Variants in EZH1 observed in about 807,000 individuals in gnomAD.
EZH1 encodes histone-lysine N-methyltransferase EZH1.
A neutral mutation model predicts 100.5 loss-of-function variants in EZH1; 33 were observed. That is an observed-to-expected ratio of 0.33 (90% confidence interval 0.25 to 0.44). The LOEUF (loss-of-function observed/expected upper bound fraction) is 0.44, where lower values mean the gene tolerates loss of function less well. Among genes scored for constraint, EZH1 ranks in the 20% least tolerant of loss-of-function variants. The pLI is 1.00. For missense variants in EZH1, 475 were observed against 928.4 expected (o/e 0.51, Z 6.35); for synonymous variants, 272 against 313.8 (o/e 0.87, Z 1.41).
In EZH1 at chr17:42,713,357, G is replaced by A. The variant is rs759631016; in HGVS notation, c.1056C>T (p.Asn352=). Residue 352 remains asparagine, a synonymous_variant, in exon 11 of 21, where the codon AAC becomes AAT. Transcript: ENST00000428826. ...GACGACCAGAGCACTTGGAGCGGGGGTTGTGGAGCATGGCATACTCCTTTG... is the reference window on the plus strand; with the variant it reads ...GACGACCAGAGCACTTGGAGCGGGGATTGTGGAGCATGGCATACTCCTTTG... The part of the protein sequence containing the change: ...EGAKEYAMLH[N]PRSKCSGRRR... The A allele has an allele frequency of 1.2e-6, 2 of 1,610,116 alleles. No homozygotes were observed. The highest frequency in any genetic ancestry group is 8.5e-7 in the Non-Finnish European group (1 of 1,176,608).
At position 42,724,291 on chromosome 17, in the gene EZH1, C is replaced by T; in HGVS notation, c.366+14G>A. The T allele has an allele frequency of 3.1e-6, 5 of 1,613,250 alleles. No individual in the cohort carries two copies. The highest frequency in any genetic ancestry group is 4.2e-6 in the Non-Finnish European group (5 of 1,179,452). On this transcript the variant is annotated intron_variant, in intron 5 of 20. Coordinates refer to ENST00000428826, the MANE Select transcript of EZH1 (RefSeq NM_001991.5). ...TACAGTTTAAATAACCACCACAGTGCTTTCAATACATACCATAAAGTTCTG... is the reference window on the plus strand; with the variant it reads ...TACAGTTTAAATAACCACCACAGTGTTTTCAATACATACCATAAAGTTCTG...
chr17:42,702,685 T>A, intron 20 of EZH1, 93 bp from the exon 21 acceptor site: 4 of 1,355,118 alleles, frequency 3.0e-6, no homozygotes, highest in Non-Finnish European at 3.1e-6. Flanking sequence ...CCCCTCCCAC[T>A]CCTTAAGGGC....
chr17:42,737,637 CTTT>C (rs988761087), intron 1 of EZH1, among the ~76,000 whole-genome samples: 1 of 151,872 alleles, frequency 6.6e-6, no homozygotes, highest in South Asian at 2.1e-4. Flanking sequence ...ACTATTCTTT[CTTT>C]TTTTTCTTTC....
chr17:42,737,228 C>T (rs2054082655), intron 1 of EZH1, among the ~76,000 whole-genome samples: 1 of 152,170 alleles, frequency 6.6e-6, no homozygotes, highest in South Asian at 2.1e-4. Flanking sequence ...TCAGGTGATC[C>T]ACCCGCCTTG....
chr17:42,737,272 C>T (rs940921717), intron 1 of EZH1, among the ~76,000 whole-genome samples: 1 of 152,230 alleles, frequency 6.6e-6, no homozygotes, highest in African/African-American at 2.4e-5. Context: ...AGGCGTGAGC[C>T]ACCGCGCCCA....
Position 42,718,949 on chromosome 17 carries a change from T to A in EZH1, c.767+156A>T, listed in dbSNP as rs1308180215. 1.3e-5 allele frequency among the ~76,000 whole-genome samples: 2 copies of A among 152,128 alleles called. No homozygotes were observed. Among genetic ancestry groups the A allele is most frequent in the Non-Finnish European group, 2.9e-5 (2 of 68,016 alleles). ...GACCCTTAATATAGTAAGGGGGGCA[T>A]TTAGAGGTAATTGAGTAAGCAAGAA... On this transcript the variant is annotated intron_variant, in intron 8 of 20. Coordinates refer to ENST00000428826, the MANE Select transcript of EZH1 (RefSeq NM_001991.5). The surrounding 1 kb of genome is among the most constrained non-coding windows in gnomAD (Gnocchi z 4.2).
chr17:42,733,250 T>C (rs1363182007), intron 1 of EZH1, among the ~76,000 whole-genome samples: 2 of 143,252 alleles, frequency 1.4e-5, no homozygotes, highest in Non-Finnish European at 3.0e-5. Flanking sequence ...GGCAGGAGAA[T>C]TGCTTGAACC....
At chr17:42,713,466 C>G in intron 10 of EZH1, 77 bp from the exon 11 acceptor site, 4 of 1,328,382 alleles carry the variant, frequency 3.0e-6, no homozygotes, top group Non-Finnish European at 4.1e-6. Flanking sequence ...AAACTTTCAT[C>G]TTTACAACAT....
Position 42,700,294 on chromosome 17 carries a change from AAG to A in EZH1, c.*2236_*2237del, listed in dbSNP as rs2053216428. The A allele has an allele frequency of 6.5e-6, 1 of 152,802 alleles. No homozygotes were observed. The highest frequency in any genetic ancestry group is 2.4e-5 in the African/African-American group (1 of 41,440). 9.5% of individuals were successfully genotyped at this position (152,802 alleles called of 1,614,324 possible). ...CCAAAATGGATTCTAACACTTTATT[AAG>A]AGGTCACAAGCCACAGGACTTTAAA... On this transcript the variant is annotated 3_prime_UTR_variant, in exon 21 of 21. Transcript: ENST00000428826.
intron 2 of EZH1, chr17:42,729,267 T>C: frequency 4.3e-6 from 1 of 234,810 alleles, no homozygotes; most frequent in Non-Finnish European, 8.4e-6. Context: ...GTTAGCCAGA[T>C]GTGTTGGCCA....
chr17:42,733,874 G>A (rs1233051689), intron 1 of EZH1, among the ~76,000 whole-genome samples: 1 of 147,278 alleles, frequency 6.8e-6, no homozygotes, highest in African/African-American at 2.5e-5. Context: ...ACAGGAGGTG[G>A]AGGTTGCAGT....
chr17:42,743,632 G>A (rs1267463393), intron 1 of EZH1, among the ~76,000 whole-genome samples: 1 of 150,846 alleles, frequency 6.6e-6, no homozygotes. Flanking sequence ...ACCACATCTG[G>A]CTATTTTTTT....
At chr17:42,731,043 G>T (rs937547736) in intron 1 of EZH1, 125 bp from the exon 2 acceptor site, 1 of 201,118 alleles carries the variant, frequency 5.0e-6, no homozygotes, top group Non-Finnish European at 8.9e-6. Flanking sequence ...ATTTTTGTAT[G>T]TCTAAGACAG....
At chr17:42,710,865 C>A (rs1205326278) in intron 12 of EZH1, among the ~76,000 whole-genome samples, 1 of 150,114 alleles carries the variant, frequency 6.7e-6, no homozygotes, top group Non-Finnish European at 1.5e-5. Context: ...TCAAGCGATC[C>A]TCCCACCATG....
intron 4 of EZH1, among the ~76,000 whole-genome samples, chr17:42,726,204 A>G (rs1486368797): frequency 3.3e-5 from 4 of 120,838 alleles, no homozygotes; most frequent in Non-Finnish European, 5.2e-5. Context: ...TTTTTTTAAG[A>G]GACAGTCTCT....
At chr17:42,736,119 AAAC>A (rs2054060760) in intron 1 of EZH1, among the ~76,000 whole-genome samples, 1 of 152,242 alleles carries the variant, frequency 6.6e-6, no homozygotes, top group African/African-American at 2.4e-5. Context: ...AGATACTATT[AAAC>A]ACCACTACCA....
rs917590262 is a variant in EZH1 at position 42,727,691 on chromosome 17, G to A, written c.190C>T (p.Arg64Cys). 1.4e-5 allele frequency: 22 copies of A among 1,608,864 alleles called. No homozygotes were observed. Among genetic ancestry groups the A allele is most frequent in the South Asian group, 2.2e-5 (2 of 89,850 alleles). ...QILNEEWKKL[R>C]VQPVQSMKPV... is the part of the protein sequence containing the mutation. ...TTCATTGACTGAACAGGTTGGACAC[G>A]AAGCTTCTTCCATTCTTCATTGAGG... Residue 64 changes from arginine to cysteine, a missense_variant, in exon 4 of 21, where the codon CGT becomes TGT. Transcript: ENST00000428826.
Position 42,733,663 on chromosome 17 carries a change from C to T in EZH1, c.-102-2745G>A, listed in dbSNP as rs372626718. ...CTCAAAAAAAAAAAAAAAAAAAGGC[C>T]GGGCAGGGTGGCTGACGTCTGTAAT... On this transcript the variant is annotated intron_variant, in intron 1 of 20. Transcript: ENST00000428826. Among the ~76,000 whole-genome samples, 7 of 147,704 alleles carry T rather than the reference C, an allele frequency of 4.7e-5. No homozygotes were observed. The East Asian group carries it at 1.2e-3, about 26-fold the overall frequency.
intron 14 of EZH1, 110 bp from the exon 15 acceptor site, chr17:42,708,193 T>C (rs761223084): frequency 1.5e-6 from 2 of 1,341,076 alleles, no homozygotes. Flanking sequence ...AACAATCTCC[T>C]TGGACACACA....
Sources: gnomAD v4.1 joint callset for allele counts (sites outside exome capture counted in the v4.1 genomes callset) on GRCh38, gnomAD v4.1.1 for gene constraint, Gnocchi (gnomAD v3.1) non-coding constraint, MANE v1.5 for transcripts, NCBI Gene and HGNC (gene_info 2026-07-23, HGNC 2026-07-21) for gene names.